The following CCDC138 variants were observed in gnomAD, a reference collection of about 807,000 sequenced individuals.
CCDC138 encodes the protein coiled-coil domain-containing protein 138.
In CCDC138, 66 loss-of-function variants were observed where a neutral mutation model predicts 82.3. That is an observed-to-expected ratio of 0.80 (90% CI 0.66 to 0.98). The LOEUF is 0.98. Ranked by LOEUF, CCDC138 falls within the 50% of genes least tolerant of loss-of-function variation. CCDC138 has a pLI of 0.00. For synonymous variants in CCDC138, 297 were observed against 265.4 expected (o/e 1.12, Z -1.16); for missense variants, 816 against 758.9 (o/e 1.08, Z -0.88).
At chr2:108,868,579 G>C (rs989412793) in intron 13 of CCDC138, among the ~76,000 whole-genome samples, 1 of 152,096 alleles carries the variant, frequency 6.6e-6, no homozygotes, top group Non-Finnish European at 1.5e-5. Flanking sequence ...GCCTTTCATT[G>C]CTGGCAGGGT....
rs746134109 is a variant in CCDC138 at position 108,798,581 on chromosome 2, A to G, written c.730A>G (p.Lys244Glu). The change falls in exon 6 of 15, where the codon AAA (lysine) becomes GAA (glutamate). Residue 244 changes from lysine (K) to glutamate (E), a missense_variant. Coordinates refer to ENST00000295124, the MANE Select transcript of CCDC138 (RefSeq NM_144978.3). ...EEVLTRFQII[K>E]EQHDAEVEHL... Reference sequence around the variant, plus strand: ...GGTTCTTACAAGATTTCAAATTATAAAAGAGGTAACTATATAGCCTTTGAT... The same window carrying G: ...GGTTCTTACAAGATTTCAAATTATAGAAGAGGTAACTATATAGCCTTTGAT... 19 of 1,604,542 alleles carry G rather than the reference A, an allele frequency of 1.2e-5. No homozygotes were observed. The African/African-American group carries it at 2.4e-4, about 20-fold the overall frequency.
chr2:108,818,619 C>T (rs559698571), intron 10 of CCDC138, among the ~76,000 whole-genome samples: 1 of 152,152 alleles, frequency 6.6e-6, no homozygotes, highest in African/African-American at 2.4e-5. Flanking sequence ...TTGTGGCCAT[C>T]GCAAGCAGGT....
intron 10 of CCDC138, among the ~76,000 whole-genome samples, chr2:108,837,501 GA>G (rs975469949): frequency 6.6e-6 from 1 of 151,852 alleles, no homozygotes; most frequent in Admixed American, 6.6e-5. Context: ...ATGGAGCAAA[GA>G]AAAAAAGAAT....
intron 7 of CCDC138, among the ~76,000 whole-genome samples, chr2:108,807,864 C>G (rs999479045): frequency 2.0e-5 from 3 of 152,218 alleles, no homozygotes; most frequent in Non-Finnish European, 4.4e-5. Context: ...CTGCCTCGGC[C>G]TCCCGAAGTG....
At chr2:108,804,410 T>A (rs1239947378) in intron 6 of CCDC138, among the ~76,000 whole-genome samples, 1 of 152,208 alleles carries the variant, frequency 6.6e-6, no homozygotes, top group Non-Finnish European at 1.5e-5. Context: ...AAAGCAGGCA[T>A]CAAAAATTTT....
At chr2:108,793,034 AGTCTGGGCGACAGAGAGACTCT>A (rs1680176228) in intron 4 of CCDC138, among the ~76,000 whole-genome samples, 1 of 149,028 alleles carries the variant, frequency 6.7e-6, no homozygotes, top group African/African-American at 2.5e-5. Flanking sequence ...ACTGCACTCC[AGTCTGGGCGACAGAGAGACTCT>A]GTCTCAAAAA....
At chr2:108,839,415 C>T in intron 11 of CCDC138, 114 bp downstream of exon 11, 3 of 848,398 alleles carry the variant, frequency 3.5e-6, no homozygotes, top group Non-Finnish European at 5.2e-6. Flanking sequence ...AATAATCTTC[C>T]CTATCTATGT....
At chr2:108,838,184 T>G (rs886946888) in intron 10 of CCDC138, among the ~76,000 whole-genome samples, 5 of 152,142 alleles carry the variant, frequency 3.3e-5, no homozygotes, top group African/African-American at 1.2e-4. Flanking sequence ...TGGCTCTGAA[T>G]TGGTTAATTT....
At chr2:108,816,495 A>C (rs1209497736) in intron 10 of CCDC138, among the ~76,000 whole-genome samples, 2 of 152,088 alleles carry the variant, frequency 1.3e-5, no homozygotes, top group African/African-American at 4.8e-5. Context: ...GCCTCTGATG[A>C]GGCCCTTCTT....
intron 13 of CCDC138, among the ~76,000 whole-genome samples, chr2:108,859,936 A>G (rs1027363298): frequency 1.3e-5 from 2 of 152,140 alleles, no homozygotes; most frequent in Non-Finnish European, 2.9e-5. Context: ...ATCCTTGAGC[A>G]TGGAATGTTT....
chr2:108,867,156 G>C (rs1694542564), intron 13 of CCDC138, among the ~76,000 whole-genome samples: 1 of 152,004 alleles, frequency 6.6e-6, no homozygotes, highest in Non-Finnish European at 1.5e-5. Context: ...GAAACCTGGG[G>C]CTCTGAGAAA....
chr2:108,864,008 G>A (rs1035551267), intron 13 of CCDC138, among the ~76,000 whole-genome samples: 2 of 152,114 alleles, frequency 1.3e-5, no homozygotes, highest in South Asian at 4.1e-4. Context: ...CAGAATCTCT[G>A]TTTCTAAGAT....
At chr2:108,868,248 C>T (rs528247960) in intron 13 of CCDC138, among the ~76,000 whole-genome samples, 1 of 152,260 alleles carries the variant, frequency 6.6e-6, no homozygotes, top group Non-Finnish European at 1.5e-5. Flanking sequence ...TGTCAGATAT[C>T]ATATTAGTAT....
chr2:108,799,422 G>A (rs1002534493), intron 6 of CCDC138, among the ~76,000 whole-genome samples: 5 of 152,108 alleles, frequency 3.3e-5, no homozygotes, highest in Admixed American at 2.6e-4. Context: ...AGTTCAGCTC[G>A]CCAGCAGTTC....
chr2:108,878,015 A>AGTCAT (rs1333530189), downstream of CCDC138, among the ~76,000 whole-genome samples: 1 of 152,224 alleles, frequency 6.6e-6, no homozygotes, highest in Admixed American at 6.5e-5. Flanking sequence ...AGACAATGGA[A>AGTCAT]TGACAGCTTC....
chr2:108,853,942 A>T, intron 12 of CCDC138, among the ~76,000 whole-genome samples: 4 of 123,396 alleles, frequency 3.2e-5, no homozygotes, highest in African/African-American at 1.3e-4. Context: ...ATTTATATAT[A>T]ATATACAATA....
Position 108,788,018 on chromosome 2 carries a change from C to T in CCDC138, c.94-14C>T, listed in dbSNP as rs950314997. Reference sequence around the variant, plus strand: ...TTTTAGTATACAAATTAAATCTTTTCTTTTTTTTTTTAGTATGATTTTTCA... The same window carrying T: ...TTTTAGTATACAAATTAAATCTTTTTTTTTTTTTTTTAGTATGATTTTTCA... On this transcript the variant is annotated splice_polypyrimidine_tract_variant and intron_variant, in intron 1 of 14. Coordinates refer to ENST00000295124, the MANE Select transcript of CCDC138 (RefSeq NM_144978.3). 22 of 1,260,230 alleles carry T rather than the reference C, an allele frequency of 1.7e-5. No homozygotes were observed. Among genetic ancestry groups the T allele is most frequent in the Admixed American group, 7.3e-5 (3 of 41,328 alleles). The allele number at this position is 1,260,230 out of a possible 1,614,324, so 78.1% of individuals were successfully genotyped here.
At chr2:108,803,521 A>G (rs1418045957) in intron 6 of CCDC138, among the ~76,000 whole-genome samples, 1 of 152,204 alleles carries the variant, frequency 6.6e-6, no homozygotes, top group Non-Finnish European at 1.5e-5. Flanking sequence ...AGACGTCATC[A>G]TAGCTCACTG....
intron 12 of CCDC138, among the ~76,000 whole-genome samples, chr2:108,853,732 C>T (rs976615035): frequency 3.4e-5 from 5 of 147,380 alleles, no homozygotes; most frequent in Admixed American, 7.0e-5. Context: ...TGCCATGTTG[C>T]CCAAGCTGGT....
Sources: allele counts gnomAD v4.1 joint callset (sites outside exome capture counted in the v4.1 genomes callset), GRCh38; gene constraint gnomAD v4.1.1; transcripts MANE v1.5; gene names NCBI Gene and HGNC (gene_info 2026-07-23, HGNC 2026-07-21).